Variants in BTD observed in about 807,000 individuals in gnomAD.
The protein encoded by BTD is biotinidase.
In BTD, 13 loss-of-function variants were observed where a neutral mutation model predicts 17.7. That is an observed-to-expected ratio of 0.74 (90% CI 0.48 to 1.17). BTD has a LOEUF of 1.17. Ranked by LOEUF, BTD falls within the 50% of genes most tolerant of loss-of-function variation. The pLI, the probability that BTD is intolerant of heterozygous loss-of-function variation, is 0.00. For missense variants in BTD, 674 were observed against 650.4 expected (o/e 1.04, Z -0.39); for synonymous variants, 240 against 245.2 (o/e 0.98, Z 0.20).
chr3:15,610,103 A>T (rs573251861), intron 1 of BTD, among the ~76,000 whole-genome samples: 1 of 152,336 alleles, frequency 6.6e-6, no homozygotes, highest in African/African-American at 2.4e-5. Flanking sequence ...TTAGTGGCTT[A>T]AAAGAACCAC....
chr3:15,610,271 C>A (rs55908585), intron 1 of BTD, among the ~76,000 whole-genome samples: 8,462 of 152,290 alleles, frequency 0.056, 326 homozygotes, highest in East Asian at 0.16. Flanking sequence ...CATAGCTCTA[C>A]CACTCAGCAG....
At chr3:15,690,200 T>C (rs1401019225) in intron 3 of BTD, 1 of 1,603,292 alleles carries the variant, frequency 6.2e-7, no homozygotes, top group African/African-American at 1.3e-5. Context: ...CTTCCAGTGC[T>C]TGATGGTGAC....
chr3:15,635,302 T>G lies in BTD; in HGVS notation c.-16-122T>G. 1.4e-6 allele frequency: 2 copies of G among 1,448,928 alleles called. No homozygotes were observed. Among genetic ancestry groups the G allele is most frequent in the Non-Finnish European group, 1.9e-6 (2 of 1,040,700 alleles). 89.8% of individuals were successfully genotyped at this position (1,448,928 alleles called of 1,614,324 possible). A position where few individuals can be genotyped will look rare whatever the true frequency, so the allele number is the denominator to read the frequency against. Reference sequence around the variant, plus strand: ...TATTAGGAACATGAAACAAACTCTTTGAGCCGCAGTATCACTGCGAGTGAG... The same window carrying G: ...TATTAGGAACATGAAACAAACTCTTGGAGCCGCAGTATCACTGCGAGTGAG... On this transcript the variant is annotated intron_variant, in intron 1 of 3. Coordinates refer to ENST00000643237, the MANE Select transcript of BTD (RefSeq NM_001370658.1). This position sits in a 1 kb window ranked among gnomAD's most constrained non-coding sequence, Gnocchi z 4.1.
At chr3:15,623,027 G>GGCAT (rs1316362027) in intron 1 of BTD, among the ~76,000 whole-genome samples, 2 of 152,234 alleles carry the variant, frequency 1.3e-5, no homozygotes, top group African/African-American at 4.8e-5. Context: ...GAGGAGCAAA[G>GGCAT]GCATGTCTTA....
In BTD at chr3:15,635,862, G is replaced by A. The variant is rs971720991; in HGVS notation, c.249+174G>A. Among the ~76,000 whole-genome samples the A allele has an allele frequency of 6.6e-6, 1 of 152,164 alleles. No individual in the cohort carries two copies. Among genetic ancestry groups the A allele is most frequent in the African/African-American group, 2.4e-5 (1 of 41,424 alleles). On this transcript the variant is annotated intron_variant, in intron 2 of 3. Transcript: ENST00000643237. The surrounding 1 kb of genome is among the most constrained non-coding windows in gnomAD (Gnocchi z 4.1). ...TAGGAGCCTTACCCCTCAGAGAGTG[G>A]TCCGTGGACCGGCATCCCCTGGGAG...
intron 3 of BTD, chr3:15,667,793 T>C (rs1559294015): frequency 6.6e-6 from 1 of 152,150 alleles, no homozygotes; most frequent in Admixed American, 6.5e-5. Context: ...TACCTTAATG[T>C]TTTTGGTAAC....
At chr3:15,641,676 A>G (rs1251205154) in intron 2 of BTD, among the ~76,000 whole-genome samples, 2 of 152,122 alleles carry the variant, frequency 1.3e-5, no homozygotes, top group East Asian at 1.9e-4. Flanking sequence ...GGCACAGTTA[A>G]TGGTTGTTCC....
chr3:15,686,047 A>G (rs766855653), intron 3 of BTD: 1 of 1,613,782 alleles, frequency 6.2e-7, no homozygotes, highest in East Asian at 2.2e-5. Context: ...TGGCATCTAC[A>G]TTTGCTCCTT....
At chr3:15,690,016 T>A in intron 3 of BTD, 1 of 1,602,138 alleles carries the variant, frequency 6.2e-7, no homozygotes. Context: ...ATATCTGGCA[T>A]ACCTGCTGCA....
chr3:15,685,025 T>C, intron 3 of BTD: 1 of 589,978 alleles, frequency 1.7e-6, no homozygotes, highest in South Asian at 2.1e-5. Flanking sequence ...CAGAACACCT[T>C]TGACAACTAG....
intron 3 of BTD, among the ~76,000 whole-genome samples, chr3:15,675,717 C>T (rs1469898798): frequency 6.6e-6 from 1 of 152,180 alleles, no homozygotes; most frequent in Non-Finnish European, 1.5e-5. Context: ...TTCGGAAGTA[C>T]ATCTGTTAGA....
chr3:15,601,550 A>C (rs767274435), upstream of BTD: 19 of 1,604,256 alleles, frequency 1.2e-5, no homozygotes, highest in East Asian at 2.2e-5. Context: ...GCAGCACGCC[A>C]CCTCTGGTAC....
chr3:15,676,999 T>G, intron 3 of BTD: 1 of 1,613,446 alleles, frequency 6.2e-7, no homozygotes, highest in Non-Finnish European at 8.5e-7. Flanking sequence ...TTGGTTGCAT[T>G]GATGAGGTTT....
At chr3:15,601,543 G>C (rs1445869278), upstream of BTD, 2 of 1,605,254 alleles carry the variant, frequency 1.2e-6, no homozygotes, top group Non-Finnish European at 1.7e-6. Flanking sequence ...GAAATCGGCA[G>C]CACGCCACCT....
At position 15,644,721 on chromosome 3, in the gene BTD, G is replaced by A; in HGVS notation, c.805G>A (p.Ala269Thr). 6.2e-7 allele frequency: 1 copy of A among 1,614,220 alleles called. No homozygotes were observed. Among genetic ancestry groups the A allele is most frequent in the Admixed American group, 1.7e-5 (1 of 60,028 alleles). ...LAAIEIQKAFAVAFGINVLAA... is the reference protein window; with the variant it reads ...LAAIEIQKAFTVAFGINVLAA... ...AGCAATTGAGATTCAGAAAGCTTTT[G>A]CTGTTGCCTTTGGCATCAACGTTCT... is the stretch of plus-strand genomic sequence containing the variant. Residue 269 changes from alanine (A) to threonine (T), a missense_variant, in exon 4 of 4, where the codon GCT (alanine) becomes ACT (threonine). Transcript: ENST00000643237.
In BTD at chr3:15,689,964, GA is replaced by G. The variant is rs570570278; in HGVS notation, c.400-20089del. Reference sequence around the variant, plus strand: ...CTGGAAATATTATATATCAGAAATTGAAAAAAAGTATTGGATAGAAGTTATA... The same window carrying G: ...CTGGAAATATTATATATCAGAAATTGAAAAAAGTATTGGATAGAAGTTATA... On this transcript the variant is annotated intron_variant, in intron 3 of 3. Transcript: ENST00000672141. 9.7e-4 allele frequency: 1,359 copies of G among 1,399,666 alleles called. 12 individuals carry two copies. The African/African-American group carries it at 0.015, about 15-fold the overall frequency. 86.7% of individuals were successfully genotyped at this position (1,399,666 alleles called of 1,614,324 possible). A position where few individuals can be genotyped will look rare whatever the true frequency, so the allele number is the denominator to read the frequency against.
In BTD at chr3:15,712,073, T is replaced by G. The variant is rs1028310806; in HGVS notation, c.*1999T>G. On this transcript the variant is annotated 3_prime_UTR_variant, in exon 4 of 4. Coordinates refer to the BTD transcript ENST00000672141. ...CTGCATTAATTTTTAAAAAGCAGGA[T>G]AGAGACCATCTAAAAATTTTGAGGG... 69 of 1,211,958 alleles carry G rather than the reference T, an allele frequency of 5.7e-5. No individual in the cohort carries two copies. In the African/African-American group the frequency reaches 8.4e-4, roughly 15 times the overall value. The allele number at this position is 1,211,958 out of a possible 1,614,324, so 75.1% of individuals were successfully genotyped here.
chr3:15,616,920 C>T (rs1355455518), intron 1 of BTD, among the ~76,000 whole-genome samples: 1 of 152,092 alleles, frequency 6.6e-6, no homozygotes, highest in Non-Finnish European at 1.5e-5. Flanking sequence ...GCAACCTCCG[C>T]CTCCTGGGTT....
intron 1 of BTD, chr3:15,602,306 T>A (rs966738759): frequency 8.7e-7 from 1 of 1,154,380 alleles, no homozygotes; most frequent in African/African-American, 1.6e-5. Flanking sequence ...AAGAGCACCT[T>A]GAAGGTAGTA....
Sources: gnomAD v4.1 joint callset for allele counts (sites outside exome capture counted in the v4.1 genomes callset) on GRCh38, gnomAD v4.1.1 for gene constraint, Gnocchi (gnomAD v3.1) non-coding constraint, MANE v1.5 for transcripts, NCBI Gene and HGNC (gene_info 2026-07-23, HGNC 2026-07-21) for gene names.